Variants in CAP2 observed in about 807,000 individuals in gnomAD.
The protein encoded by CAP2 is cyclase associated actin cytoskeleton regulatory protein 2, also known as adenylyl cyclase-associated protein 2.
Under a neutral mutation model 57.7 loss-of-function variants are expected in CAP2, and 24 were observed. That is an observed-to-expected ratio of 0.42 (90% CI 0.30 to 0.58). The LOEUF is 0.58. Among genes scored for constraint, CAP2 ranks in the 20% least tolerant of loss-of-function variants. The pLI, the probability that CAP2 is intolerant of heterozygous loss-of-function variation, is 0.22. For synonymous variants in CAP2, 194 were observed against 207.2 expected, an observed-to-expected ratio of 0.94 and a Z score of 0.55; for missense variants, 501 against 590.3, an observed-to-expected ratio of 0.85 and a Z score of 1.57.
chr6:17,509,537 T>C lies in CAP2; in HGVS notation c.530+1811T>C, dbSNP rs563182359. Among the ~76,000 whole-genome samples the C allele has an allele frequency of 8.5e-4, 129 of 152,138 alleles. 5 individuals are homozygous for C. In the South Asian group the frequency reaches 0.026, roughly 31 times the overall value. On this transcript the variant is annotated intron_variant, in intron 6 of 12. Transcript: ENST00000229922. ...TACTAAAAATACAAAAAGCCGAGCG[T>C]GGTGGTGGGCACCTGTAATCCCAGC...
intron 3 of CAP2, among the ~76,000 whole-genome samples, chr6:17,457,909 A>T (rs919019755): frequency 1.3e-5 from 2 of 152,246 alleles, no homozygotes; most frequent in East Asian, 1.9e-4. Flanking sequence ...AAGTCAGACC[A>T]TCTGAATTAC....
intron 3 of CAP2, among the ~76,000 whole-genome samples, chr6:17,439,971 C>A (rs1191370439): frequency 1.3e-5 from 2 of 151,534 alleles, no homozygotes; most frequent in African/African-American, 2.4e-5. Context: ...TAATTCCCCC[C>A]ATAGGTCTTC....
intron 4 of CAP2, among the ~76,000 whole-genome samples, chr6:17,486,516 G>C (rs1761424169): frequency 6.6e-6 from 1 of 152,166 alleles, no homozygotes; most frequent in African/African-American, 2.4e-5. Flanking sequence ...TGAGGTGGGA[G>C]GATCACTGGA....
Position 17,440,976 on chromosome 6 carries a change from C to T in CAP2, c.222+14286C>T, listed in dbSNP as rs566765300. ...CAGAATGATGGTTTCCAGCTTCATC[C>T]GTGTCGCTACAAAGGACATGAACTC... is the stretch of plus-strand genomic sequence containing the variant. On this transcript the variant is annotated intron_variant, in intron 3 of 12. Coordinates refer to ENST00000229922, the MANE Select transcript of CAP2 (RefSeq NM_006366.3). Among the ~76,000 whole-genome samples, 426 of 151,284 alleles carry T rather than the reference C, an allele frequency of 2.8e-3. 19 individuals carry two copies. Among genetic ancestry groups the T allele is most frequent in the African/African-American group, 0.01 (409 of 40,718 alleles).
chr6:17,490,887 T>G (rs968215814), intron 4 of CAP2, among the ~76,000 whole-genome samples: 4 of 152,224 alleles, frequency 2.6e-5, no homozygotes, highest in Non-Finnish European at 5.9e-5. Context: ...GAAGCTGCCC[T>G]TGTGCCCTTT....
chr6:17,522,160 C>T (rs1362369541), intron 7 of CAP2, among the ~76,000 whole-genome samples: 2 of 152,020 alleles, frequency 1.3e-5, no homozygotes, highest in South Asian at 2.1e-4. Context: ...TCTCAGGCCC[C>T]ACCTCAGCCC....
intron 4 of CAP2, among the ~76,000 whole-genome samples, chr6:17,480,773 G>GGTTTTTTTTTTTTTTTTTTTTT (rs1209470148): frequency 7.3e-6 from 1 of 136,370 alleles, no homozygotes; most frequent in African/African-American, 2.8e-5. Context: ...GGTTTTTTTG[G>GGTTTTTTTTTTTTTTTTTTTTT]TTTTTTTTTT....
chr6:17,421,636 G>T lies in CAP2; in HGVS notation c.81G>T (p.Arg27Ser). ...RLESLSAESH[R>S]PPGNCGEVNG... ...AGTCGCTGTCTGCAGAGTCCCACAG[G>T]CCCCCTGGGAACTGCGGGGAAGTCA... Residue 27 changes from arginine to serine, a missense_variant, in exon 2 of 13, where the codon AGG becomes AGT. Arg to Ser is a moderately radical substitution (Grantham distance 110). Transcript: ENST00000229922. 2 of 1,613,946 alleles carry T rather than the reference G, an allele frequency of 1.2e-6. No individual in the cohort carries two copies. Among genetic ancestry groups the T allele is most frequent in the Non-Finnish European group, 1.7e-6 (2 of 1,179,808 alleles).
At chr6:17,503,995 C>T (rs1345208103) in intron 4 of CAP2, among the ~76,000 whole-genome samples, 1 of 152,212 alleles carries the variant, frequency 6.6e-6, no homozygotes, top group African/African-American at 2.4e-5. Flanking sequence ...AAAAAGTCCA[C>T]TGGGAACCTT....
intron 2 of CAP2, among the ~76,000 whole-genome samples, chr6:17,422,931 C>T (rs546147153): frequency 9.2e-5 from 14 of 152,088 alleles, no homozygotes; most frequent in African/African-American, 3.1e-4. Flanking sequence ...TAAGGATGTC[C>T]CAAATACTGC....
rs1012783284 is a variant in CAP2, at chr6:17,394,580, A to G, written c.-2+834A>G. On this transcript the variant is annotated intron_variant, in intron 1 of 12. Coordinates refer to ENST00000229922, the MANE Select transcript of CAP2 (RefSeq NM_006366.3). ...CCAAACAGCCAGAGTGGAGATGAAC[A>G]CTTGGTAAAAACATCTAGGACCTTT... 3.3e-5 allele frequency among the ~76,000 whole-genome samples: 5 copies of G among 152,218 alleles called. No individual in the cohort carries two copies. In the East Asian group the frequency reaches 5.8e-4, roughly 18 times the overall value.
chr6:17,452,120 G>T (rs531917861), intron 3 of CAP2, among the ~76,000 whole-genome samples: 1 of 152,206 alleles, frequency 6.6e-6, no homozygotes, highest in African/African-American at 2.4e-5. Flanking sequence ...TGTAGGGCAA[G>T]TGGCACCTGC....
At chr6:17,475,809 A>G (rs1761140518) in intron 4 of CAP2, among the ~76,000 whole-genome samples, 1 of 152,252 alleles carries the variant, frequency 6.6e-6, no homozygotes, top group Admixed American at 6.5e-5. Context: ...GTGAATGTCC[A>G]ATGTCAGTCC....
At chr6:17,489,198 C>T (rs1403229176) in intron 4 of CAP2, among the ~76,000 whole-genome samples, 3 of 152,160 alleles carry the variant, frequency 2.0e-5, no homozygotes. Flanking sequence ...CTTTGGGAGG[C>T]TAAGGCGGGC....
chr6:17,506,868 T>C (rs1242523711), intron 4 of CAP2, among the ~76,000 whole-genome samples: 1 of 152,234 alleles, frequency 6.6e-6, no homozygotes, highest in African/African-American at 2.4e-5. Flanking sequence ...AATTTCACTG[T>C]CTTCCATGAA....
At chr6:17,535,798 G>A (rs988389633) in intron 7 of CAP2, among the ~76,000 whole-genome samples, 1 of 152,130 alleles carries the variant, frequency 6.6e-6, no homozygotes, top group African/African-American at 2.4e-5. Flanking sequence ...CAACACATAG[G>A]AAAGAATGTT....
chr6:17,482,991 C>A (rs1184987032), intron 4 of CAP2, among the ~76,000 whole-genome samples: 1 of 152,234 alleles, frequency 6.6e-6, no homozygotes, highest in Non-Finnish European at 1.5e-5. Flanking sequence ...TGGCTTACGC[C>A]ATCACATATT....
At chr6:17,446,682 TACA>T (rs1351652583) in intron 3 of CAP2, among the ~76,000 whole-genome samples, 1 of 152,262 alleles carries the variant, frequency 6.6e-6, no homozygotes, top group Non-Finnish European at 1.5e-5. Context: ...TTGAACTTTT[TACA>T]ACAAGCATGT....
chr6:17,401,412 G>A (rs960706339), intron 1 of CAP2, among the ~76,000 whole-genome samples: 3 of 152,178 alleles, frequency 2.0e-5, no homozygotes, highest in African/African-American at 4.8e-5. Context: ...TGTTACAGCA[G>A]CCTGAAAGAA....
Sources: allele counts gnomAD v4.1 joint callset (sites outside exome capture counted in the v4.1 genomes callset), GRCh38; gene constraint gnomAD v4.1.1; transcripts MANE v1.5; gene names NCBI Gene and HGNC (gene_info 2026-07-23, HGNC 2026-07-21).